The following AMPH variants were observed in gnomAD, a reference collection of about 807,000 sequenced individuals.
The protein encoded by AMPH is amphiphysin (Stiff-Mann syndrome with breast cancer 128kD autoantigen).
In AMPH, 49 loss-of-function variants were observed where a neutral mutation model predicts 99.1. The ratio of observed to expected loss-of-function variants is 0.49; its 90% CI spans 0.39 to 0.63. The LOEUF is 0.63. AMPH is among the 20% of genes least tolerant of loss of function. AMPH has a pLI of 0.00. For missense variants in AMPH, 759 were observed against 863.4 expected (o/e 0.88, Z 1.52); for synonymous variants, 314 against 317.3 (o/e 0.99, Z 0.11).
At chr7:38,437,422 A>G (rs1343651069) in intron 11 of AMPH, among the ~76,000 whole-genome samples, 2 of 152,060 alleles carry the variant, frequency 1.3e-5, no homozygotes. Flanking sequence ...TTTTGGAGAC[A>G]GATTTTTGAA....
chr7:38,423,109 G>A (rs915347961), intron 15 of AMPH, among the ~76,000 whole-genome samples: 4 of 152,172 alleles, frequency 2.6e-5, no homozygotes, highest in Non-Finnish European at 4.4e-5. Context: ...TCTTCTGGCC[G>A]TTGATATCAA....
chr7:38,570,556 G>T (rs1334404031), intron 1 of AMPH, among the ~76,000 whole-genome samples: 1 of 152,232 alleles, frequency 6.6e-6, no homozygotes, highest in East Asian at 1.9e-4. Flanking sequence ...GGTGATGCTG[G>T]TGGAAACAAA....
chr7:38,571,252 A>G (rs1375340324), intron 1 of AMPH, among the ~76,000 whole-genome samples: 2 of 74,310 alleles, frequency 2.7e-5, no homozygotes, highest in Non-Finnish European at 4.7e-5. Flanking sequence ...TTATAAATAT[A>G]TATTAAATAT....
chr7:38,495,820 T>C (rs1740458502), intron 3 of AMPH, among the ~76,000 whole-genome samples: 1 of 152,150 alleles, frequency 6.6e-6, no homozygotes. Flanking sequence ...GCATTAAAGA[T>C]ATATGCTTCT....
At chr7:38,603,617 G>T (rs1316523436) in intron 1 of AMPH, among the ~76,000 whole-genome samples, 1 of 152,124 alleles carries the variant, frequency 6.6e-6, no homozygotes, top group East Asian at 1.9e-4. Flanking sequence ...AACGCCCCTA[G>T]ACTATGCAAA....
intron 11 of AMPH, among the ~76,000 whole-genome samples, chr7:38,450,055 G>A (rs759521608): frequency 3.3e-5 from 5 of 152,168 alleles, no homozygotes; most frequent in Non-Finnish European, 5.9e-5. Context: ...CATAAGGGTA[G>A]AAAAGCCAAT....
At chr7:38,393,169 C>T (rs1193009453) in intron 18 of AMPH, among the ~76,000 whole-genome samples, 1 of 152,198 alleles carries the variant, frequency 6.6e-6, no homozygotes. Flanking sequence ...AAGGAATATT[C>T]TTTTAAGTTC....
chr7:38,398,204 AAAG>A, intron 17 of AMPH, among the ~76,000 whole-genome samples: 1 of 151,572 alleles, frequency 6.6e-6, no homozygotes, highest in African/African-American at 2.4e-5. Flanking sequence ...AACAAAAAAA[AAAG>A]GGAAATCAAT....
intron 20 of AMPH, among the ~76,000 whole-genome samples, chr7:38,386,934 C>T (rs1031599492): frequency 7.9e-5 from 12 of 152,162 alleles, no homozygotes; most frequent in Admixed American, 7.9e-4. Context: ...GAGTGTAAGG[C>T]TCCCAGAGAA....
chr7:38,409,487 G>A (rs1178351944), intron 17 of AMPH, among the ~76,000 whole-genome samples: 2 of 152,204 alleles, frequency 1.3e-5, no homozygotes, highest in African/African-American at 4.8e-5. Flanking sequence ...CAGTGTGACT[G>A]TAGGGGCAAG....
At chr7:38,571,879 T>C (rs372817608) in intron 1 of AMPH, among the ~76,000 whole-genome samples, 2 of 151,088 alleles carry the variant, frequency 1.3e-5, no homozygotes, top group East Asian at 3.9e-4. Context: ...GCAAGCTCCA[T>C]TCATGATAAG....
chr7:38,444,523 A>C (rs1208028272), intron 11 of AMPH, among the ~76,000 whole-genome samples: 1 of 152,122 alleles, frequency 6.6e-6, no homozygotes, highest in Non-Finnish European at 1.5e-5. Context: ...TGTGATGACC[A>C]AGGTGCATAT....
At chr7:38,535,915 A>G (rs1040565480) in intron 1 of AMPH, among the ~76,000 whole-genome samples, 1 of 152,148 alleles carries the variant, frequency 6.6e-6, no homozygotes, top group African/African-American at 2.4e-5. Context: ...TCTGAGGCCC[A>G]GGGTTTGGGG....
intron 11 of AMPH, among the ~76,000 whole-genome samples, chr7:38,441,158 A>G (rs1420270821): frequency 6.6e-6 from 1 of 152,126 alleles, no homozygotes; most frequent in East Asian, 1.9e-4. Flanking sequence ...ATCAAAGAAT[A>G]TTGTCATGGA....
intron 15 of AMPH, among the ~76,000 whole-genome samples, chr7:38,423,755 G>C (rs909909903): frequency 6.6e-6 from 1 of 152,164 alleles, no homozygotes; most frequent in Non-Finnish European, 1.5e-5. Context: ...AGAGCCACAG[G>C]AAACAGGAGT....
chr7:38,391,810 C>T lies in AMPH; in HGVS notation c.1816G>A (p.Ala606Thr), dbSNP rs1784502805. 2 of 1,613,852 alleles carry T rather than the reference C, an allele frequency of 1.2e-6. No individual in the cohort carries two copies. Among genetic ancestry groups the T allele is most frequent in the South Asian group, 1.1e-5 (1 of 91,078 alleles). ...PTPSAPAMGAADQLASAREAS... is the reference protein window; with the variant it reads ...PTPSAPAMGATDQLASAREAS... ...TCCCTTGCAGATGCTAGCTGGTCAG[C>T]AGCCCCCATGGCTGGTGCAGAAGGC... The change falls in exon 19 of 21, where the codon GCT (alanine) becomes ACT (threonine). Residue 606 changes from alanine (A) to threonine (T), a missense_variant. Coordinates refer to ENST00000356264, the MANE Select transcript of AMPH (RefSeq NM_001635.4).
In AMPH at chr7:38,466,175, C is replaced by T; in HGVS notation, c.664G>A (p.Val222Met). Residue 222 changes from valine (V) to methionine (M), a missense_variant and splice_region_variant, in exon 8 of 21, where the codon GTG becomes ATG. Coordinates refer to ENST00000356264, the MANE Select transcript of AMPH (RefSeq NM_001635.4). ...LEAKFHKEIA[V>M]LCHKLYEVMT... ...CAAAAATTATCGTCATGACTCACCA[C>T]CGCAATTTCCTTATGAAACTTGGCT... 6.2e-7 allele frequency: 1 copy of T among 1,602,334 alleles called. No homozygotes were observed.
In AMPH at chr7:38,422,453, T is replaced by C; in HGVS notation, c.1240A>G (p.Met414Val). ...TQPQDTSLFT[M>V]QTDQSMICNL... ...CAGATCATACTCTGGTCTGTCTGCA[T>C]TGTGAATAATGAAGTATCCTGGGGC... is the stretch of plus-strand genomic sequence containing the variant. The change falls in exon 16 of 21, where the codon ATG becomes GTG. Residue 414 changes from methionine to valine, a missense_variant. Met to Val is a conservative substitution (Grantham distance 21, BLOSUM62 1). Transcript: ENST00000356264. 1.9e-6 allele frequency: 3 copies of C among 1,613,682 alleles called. No homozygotes were observed. The highest frequency in any genetic ancestry group is 1.1e-5 in the South Asian group (1 of 91,030).
chr7:38,537,981 G>C (rs10226729), intron 1 of AMPH, among the ~76,000 whole-genome samples: 139,518 of 152,304 alleles, frequency 0.92, 64,108 homozygotes, highest in East Asian at 1. Context: ...AGGACCATCA[G>C]AGTAAAGAAG....
Sources: allele counts gnomAD v4.1 joint callset (sites outside exome capture counted in the v4.1 genomes callset), GRCh38; gene constraint gnomAD v4.1.1; transcripts MANE v1.5; gene names NCBI Gene and HGNC (gene_info 2026-07-23, HGNC 2026-07-21).